Variants in FUT9 observed in about 807,000 individuals in gnomAD.
FUT9 encodes 4-galactosyl-N-acetylglucosaminide 3-alpha-L-fucosyltransferase 9.
A neutral mutation model predicts 29.7 loss-of-function variants in FUT9; 15 were observed. That is an observed-to-expected ratio of 0.51 (90% CI 0.34 to 0.78). The LOEUF (loss-of-function observed/expected upper bound fraction) is 0.78, where lower values mean the gene tolerates loss of function less well. Among genes scored for constraint, FUT9 ranks in the 30% least tolerant of loss-of-function variants. The pLI, the probability that FUT9 is intolerant of heterozygous loss-of-function variation, is 0.01. For missense variants in FUT9, 319 were observed against 425.4 expected, an observed-to-expected ratio of 0.75 and a Z score of 2.20; for synonymous variants, 169 against 153.7, an observed-to-expected ratio of 1.10 and a Z score of -0.74.
At chr6:96,065,528 T>C (rs931646324) in intron 1 of FUT9, among the ~76,000 whole-genome samples, 2 of 152,130 alleles carry the variant, frequency 1.3e-5, no homozygotes, top group African/African-American at 4.8e-5. Context: ...ATGTGACCAG[T>C]ATGTTAATAA....
At chr6:96,055,124 G>A (rs1562109940) in intron 1 of FUT9, among the ~76,000 whole-genome samples, 1 of 151,962 alleles carries the variant, frequency 6.6e-6, no homozygotes, top group Admixed American at 6.5e-5. Context: ...ATTTAATACT[G>A]TATTTTTCCT....
intron 2 of FUT9, among the ~76,000 whole-genome samples, chr6:96,185,564 A>G (rs772634269): frequency 8.3e-4 from 126 of 152,252 alleles, no homozygotes; most frequent in Non-Finnish European, 1.4e-3. Flanking sequence ...ATAGAAAACA[A>G]CCAGTGAAAA....
intron 1 of FUT9, among the ~76,000 whole-genome samples, chr6:96,040,802 A>C (rs1770446981): frequency 6.6e-6 from 1 of 152,174 alleles, no homozygotes; most frequent in Non-Finnish European, 1.5e-5. Context: ...GCTTAGTGGT[A>C]ACATTCACCA....
intron 2 of FUT9, among the ~76,000 whole-genome samples, chr6:96,160,137 C>T (rs544321205): frequency 6.6e-6 from 1 of 152,096 alleles, no homozygotes; most frequent in Admixed American, 6.6e-5. Context: ...ACTGCCATTC[C>T]CTGTGTTTCC....
chr6:96,116,078 A>G lies in FUT9; in HGVS notation c.-9+1951A>G, dbSNP rs569807580. Among the ~76,000 whole-genome samples the G allele has an allele frequency of 2.4e-3, 362 of 152,318 alleles. 1 individual carries two copies. Among genetic ancestry groups the G allele is most frequent in the African/African-American group, 8.5e-3 (354 of 41,576 alleles). ...GATAAAAGATTTGTATCCATAATAT[A>G]TAAAAAACTCTTAAAACGTAATAAG... On this transcript the variant is annotated intron_variant, in intron 2 of 2. Transcript: ENST00000302103.
At chr6:96,060,818 G>A (rs1249594875) in intron 1 of FUT9, among the ~76,000 whole-genome samples, 2 of 152,138 alleles carry the variant, frequency 1.3e-5, no homozygotes, top group South Asian at 2.1e-4. Context: ...GATTACAGGC[G>A]TGAGCCATGG....
At chr6:96,175,493 C>A (rs72922868) in intron 2 of FUT9, among the ~76,000 whole-genome samples, 23,083 of 152,076 alleles carry the variant, frequency 0.15, 2,260 homozygotes, top group Middle Eastern at 0.25. Flanking sequence ...AAATCAAATA[C>A]CAAATATTAT....
chr6:96,081,666 C>T (rs1053519552), intron 1 of FUT9, among the ~76,000 whole-genome samples: 6 of 151,610 alleles, frequency 4.0e-5, no homozygotes, highest in Non-Finnish European at 8.9e-5. Context: ...TAAGTATGTG[C>T]GAGAGGTTCT....
At chr6:96,087,966 C>G (rs1383802818) in intron 1 of FUT9, among the ~76,000 whole-genome samples, 1 of 152,088 alleles carries the variant, frequency 6.6e-6, no homozygotes, top group Non-Finnish European at 1.5e-5. Context: ...CTTTATTTTT[C>G]AAAGACATTT....
intron 1 of FUT9, among the ~76,000 whole-genome samples, chr6:96,054,993 A>G (rs1770736290): frequency 6.6e-6 from 1 of 152,182 alleles, no homozygotes. Context: ...AATTTTCATT[A>G]TATCAATAAT....
chr6:96,083,332 T>G (rs1192680954), intron 1 of FUT9, among the ~76,000 whole-genome samples: 1 of 152,078 alleles, frequency 6.6e-6, no homozygotes, highest in Non-Finnish European at 1.5e-5. Context: ...TGGCTAATAA[T>G]TAATCAGCAT....
At chr6:96,023,452 C>T (rs1287998719) in intron 1 of FUT9, among the ~76,000 whole-genome samples, 1 of 151,850 alleles carries the variant, frequency 6.6e-6, no homozygotes, top group Non-Finnish European at 1.5e-5. Flanking sequence ...AGTAGGGACA[C>T]TTATGCTGAC....
At position 96,066,934 on chromosome 6, in the gene FUT9, C is replaced by A. The variant is rs933332337; in HGVS notation, c.-97-47105C>A. On this transcript the variant is annotated intron_variant, in intron 1 of 2. Coordinates refer to ENST00000302103, the MANE Select transcript of FUT9 (RefSeq NM_006581.4). ...AGGCTGAATTTTTAAAAATGAACAT[C>A]ATGGACCCTAAAATATGGTTTACCT... 3.3e-5 allele frequency among the ~76,000 whole-genome samples: 5 copies of A among 152,064 alleles called. 1 individual carries two copies. Among genetic ancestry groups the A allele is most frequent in the African/African-American group, 9.6e-5 (4 of 41,516 alleles).
In FUT9 at chr6:96,208,080, G is replaced by A. The variant is rs921518783; in HGVS notation, c.*3845G>A. On this transcript the variant is annotated 3_prime_UTR_variant, in exon 3 of 3. Coordinates refer to ENST00000302103, the MANE Select transcript of FUT9 (RefSeq NM_006581.4). ...ATTGTGCAGAAATGTTTCTTATTTT[G>A]AGGGGCTTAGAAAGCTCAGCGCATT... 19 of 166,888 alleles carry A rather than the reference G, an allele frequency of 1.1e-4. No homozygotes were observed. In the Middle Eastern group the frequency reaches 0.014, roughly 119 times the overall value. The allele number at this position is 166,888 out of a possible 1,614,324, so 10.3% of individuals were successfully genotyped here.
chr6:96,149,979 C>T (rs747974317), intron 2 of FUT9, among the ~76,000 whole-genome samples: 4 of 152,088 alleles, frequency 2.6e-5, no homozygotes, highest in Non-Finnish European at 4.4e-5. Context: ...ATTAACCCTC[C>T]CCTCTTTACC....
chr6:96,161,802 T>A (rs1772908622), intron 2 of FUT9, among the ~76,000 whole-genome samples: 1 of 152,222 alleles, frequency 6.6e-6, no homozygotes, highest in South Asian at 2.1e-4. Context: ...AAAAAATACA[T>A]CCACTTCACT....
At chr6:96,166,112 G>A (rs1213264274) in intron 2 of FUT9, among the ~76,000 whole-genome samples, 1 of 151,772 alleles carries the variant, frequency 6.6e-6, no homozygotes, top group African/African-American at 2.4e-5. Context: ...AAACAAAAGA[G>A]AGAGAGAGAG....
intron 2 of FUT9, among the ~76,000 whole-genome samples, chr6:96,143,279 G>A (rs1292427574): frequency 6.6e-6 from 1 of 152,142 alleles, no homozygotes; most frequent in Non-Finnish European, 1.5e-5. Context: ...CTAATCTGTT[G>A]GCACCTTGAT....
chr6:96,042,877 C>T (rs1288756040), intron 1 of FUT9, among the ~76,000 whole-genome samples: 1 of 152,156 alleles, frequency 6.6e-6, no homozygotes, highest in Non-Finnish European at 1.5e-5. Context: ...ATTTATTAAG[C>T]TTCCTTTGTG....
Sources: gnomAD v4.1 joint callset for allele counts (sites outside exome capture counted in the v4.1 genomes callset) on GRCh38, gnomAD v4.1.1 for gene constraint, MANE v1.5 for transcripts, NCBI Gene and HGNC (gene_info 2026-07-23, HGNC 2026-07-21) for gene names.